PDPR: variants seen among roughly 807,000 people sequenced by gnomAD.
The protein encoded by PDPR is pyruvate dehydrogenase phosphatase regulatory subunit, mitochondrial.
PDPR carries 50 observed loss-of-function variants against 102.2 expected under a neutral mutation model. The ratio of observed to expected loss-of-function variants is 0.49; its 90% CI spans 0.39 to 0.62. The LOEUF (loss-of-function observed/expected upper bound fraction) is 0.62, where lower values mean the gene tolerates loss of function less well. Ranked by LOEUF, PDPR falls within the 20% of genes least tolerant of loss-of-function variation. The probability of loss-of-function intolerance (pLI) is 0.00; values close to 1 mark genes in which losing one functional copy is unlikely to be tolerated. For missense variants in PDPR, 625 were observed against 1,098.2 expected (o/e 0.57, Z 6.09); for synonymous variants, 259 against 406.0 (o/e 0.64, Z 4.35).
intron 11 of PDPR, among the ~76,000 whole-genome samples, chr16:70,140,781 C>T (rs529673589): frequency 6.6e-6 from 1 of 152,260 alleles, no homozygotes; most frequent in African/African-American, 2.4e-5. Context: ...CACCACTGCA[C>T]TCTAGCCTGG....
chr16:70,153,699 G>C (rs1244566444), intron 18 of PDPR, 126 bp downstream of exon 18: 1 of 1,029,872 alleles, frequency 9.7e-7, no homozygotes, highest in Non-Finnish European at 1.4e-6. Context: ...GTTAGCATCA[G>C]GTAAATGAGG....
At chr16:70,131,452 T>G (rs148218226) in intron 8 of PDPR, 33 bp downstream of exon 8, 27,667 of 1,452,350 alleles carry the variant, frequency 0.019, no homozygotes, top group Non-Finnish European at 0.022. Context: ...AAAATCTTGT[T>G]TCTTTGCCAG....
At chr16:70,153,327 C>T in intron 17 of PDPR, 64 bp from the exon 18 acceptor site, 1 of 1,515,476 alleles carries the variant, frequency 6.6e-7, no homozygotes, top group Non-Finnish European at 9.0e-7. Context: ...TCAGCGCTTC[C>T]AGACATGCTC....
chr16:70,120,353 C>G (rs2152060219), intron 2 of PDPR, 108 bp from the exon 3 acceptor site: 1 of 683,982 alleles, frequency 1.5e-6, no homozygotes, highest in East Asian at 2.8e-5. Flanking sequence ...CCCAGCCACC[C>G]TCAAATATTT....
chr16:70,128,318 C>T (rs1964188451), intron 4 of PDPR, among the ~76,000 whole-genome samples: 1 of 152,236 alleles, frequency 6.6e-6, no homozygotes, highest in South Asian at 2.1e-4. Context: ...ACCTCCACCT[C>T]CTGGGTTCAA....
At chr16:70,151,200 C>T (rs1966711595) in intron 17 of PDPR, among the ~76,000 whole-genome samples, 1 of 152,254 alleles carries the variant, frequency 6.6e-6, no homozygotes, top group African/African-American at 2.4e-5. Context: ...TCCCAAAGTG[C>T]TGGGATTACA....
At chr16:70,137,855 T>C (rs567972261) in intron 10 of PDPR, among the ~76,000 whole-genome samples, 1 of 152,394 alleles carries the variant, frequency 6.6e-6, no homozygotes, top group Admixed American at 6.5e-5. Flanking sequence ...TGTTTTAGTC[T>C]TATTTCTTCA....
In PDPR at chr16:70,157,025, C is replaced by A. The variant is rs1242152979; in HGVS notation, c.*146C>A. 1.6e-6 allele frequency: 2 copies of A among 1,223,692 alleles called. No individual in the cohort carries two copies. The highest frequency in any genetic ancestry group is 4.0e-5 in the Admixed American group (2 of 50,412). The allele number at this position is 1,223,692 out of a possible 1,614,324, so 75.8% of individuals were successfully genotyped here. On this transcript the variant is annotated 3_prime_UTR_variant, in exon 19 of 19. Transcript: ENST00000288050. ...TCCTTGATATAATTTTGAACTTGACCTACTTTAAACTTTTTTGCTCTGCAG... is the reference window on the plus strand; with the variant it reads ...TCCTTGATATAATTTTGAACTTGACATACTTTAAACTTTTTTGCTCTGCAG...
At chr16:70,139,383 C>T (rs1965487966) in intron 11 of PDPR, among the ~76,000 whole-genome samples, 1 of 152,206 alleles carries the variant, frequency 6.6e-6, no homozygotes, top group African/African-American at 2.4e-5. Context: ...GACCCTGTGT[C>T]GAAGTGAATG....
intron 9 of PDPR, among the ~76,000 whole-genome samples, chr16:70,135,465 G>A (rs1176367872): frequency 6.6e-6 from 1 of 152,250 alleles, no homozygotes; most frequent in East Asian, 1.9e-4. Context: ...TTGAACTCCT[G>A]ACCTCAGGTG....
At chr16:70,162,969 G>T (rs1597398968), downstream of PDPR, among the ~76,000 whole-genome samples, 6 of 151,276 alleles carry the variant, frequency 4.0e-5, no homozygotes, top group Admixed American at 3.3e-4. Flanking sequence ...TTTTTTTTTT[G>T]AGGCAGAGTC....
At chr16:70,141,987 C>G (rs1222202039) in intron 11 of PDPR, among the ~76,000 whole-genome samples, 1 of 152,262 alleles carries the variant, frequency 6.6e-6, no homozygotes, top group East Asian at 1.9e-4. Flanking sequence ...GTAATCCCAG[C>G]TACTCGGGAG....
At chr16:70,127,214 C>G (rs1964065563) in intron 3 of PDPR, 46 bp from the exon 4 acceptor site, 1 of 1,556,336 alleles carries the variant, frequency 6.4e-7, no homozygotes, top group Admixed American at 2.1e-5. Context: ...CTCGTATTCA[C>G]AGATGACGTC....
At chr16:70,117,491 C>G (rs147155801) in intron 2 of PDPR, among the ~76,000 whole-genome samples, 8,787 of 151,242 alleles carry the variant, frequency 0.058, 927 homozygotes, top group African/African-American at 0.2. Flanking sequence ...GCACTCCAGC[C>G]TGGGCGACAG....
chr16:70,126,638 C>T (rs149122947), intron 3 of PDPR, among the ~76,000 whole-genome samples: 1,875 of 151,794 alleles, frequency 0.012, 11 homozygotes, highest in Non-Finnish European at 0.02. Flanking sequence ...GCTGGGATTA[C>T]AGGCGTGAGC....
At chr16:70,163,233 C>T (rs1967934308), downstream of PDPR, among the ~76,000 whole-genome samples, 1 of 152,276 alleles carries the variant, frequency 6.6e-6, no homozygotes, top group South Asian at 2.1e-4. Context: ...CAGGCGTGAG[C>T]CACTGTGCCT....
At chr16:70,115,899 C>G (rs1231785615) in intron 2 of PDPR, among the ~76,000 whole-genome samples, 1 of 152,140 alleles carries the variant, frequency 6.6e-6, no homozygotes, top group Admixed American at 6.5e-5. Flanking sequence ...CCTTTGTTAT[C>G]AGTTTGTGCT....
chr16:70,149,401 G>T (rs1171313284), intron 17 of PDPR, among the ~76,000 whole-genome samples: 2 of 152,198 alleles, frequency 1.3e-5, no homozygotes, highest in African/African-American at 4.8e-5. Context: ...GAGTAGCTGG[G>T]ATTACAGGTG....
intron 10 of PDPR, among the ~76,000 whole-genome samples, chr16:70,137,822 G>A (rs1259575586): frequency 1.3e-5 from 2 of 152,274 alleles, no homozygotes; most frequent in African/African-American, 4.8e-5. Flanking sequence ...AAACCCATTG[G>A]ATATTTAGAG....
Sources: allele counts gnomAD v4.1 joint callset (sites outside exome capture counted in the v4.1 genomes callset), GRCh38; gene constraint gnomAD v4.1.1; transcripts MANE v1.5; gene names NCBI Gene and HGNC (gene_info 2026-07-23, HGNC 2026-07-21).